Variants in ADAM10 observed in about 807,000 individuals in gnomAD.
ADAM10 encodes the protein disintegrin and metalloproteinase domain-containing protein 10.
Under a neutral mutation model 90.1 loss-of-function variants are expected in ADAM10, and 17 were observed. That is an observed-to-expected ratio of 0.19 (90% CI 0.13 to 0.28). The LOEUF is 0.28. ADAM10 is among the 10% of genes least tolerant of loss of function. The pLI is 1.00. For synonymous variants in ADAM10, 310 were observed against 298.6 expected (o/e 1.04, Z -0.40); for missense variants, 610 against 914.3 (o/e 0.67, Z 4.29).
intron 8 of ADAM10, among the ~76,000 whole-genome samples, chr15:58,638,523 G>A (rs1896328408): frequency 6.6e-6 from 1 of 150,868 alleles, no homozygotes; most frequent in African/African-American, 2.4e-5. Flanking sequence ...GCTGAGGCAG[G>A]AGAATGGCGT....
intron 2 of ADAM10, among the ~76,000 whole-genome samples, chr15:58,704,753 A>G (rs1898231538): frequency 6.6e-6 from 1 of 152,206 alleles, no homozygotes; most frequent in African/African-American, 2.4e-5. Context: ...GCACTTTTAC[A>G]TATATTACTG....
intron 2 of ADAM10, among the ~76,000 whole-genome samples, chr15:58,699,259 G>A (rs1898063887): frequency 6.6e-6 from 1 of 152,182 alleles, no homozygotes; most frequent in Admixed American, 6.5e-5. Flanking sequence ...CAGGTAATTT[G>A]ACACAACTAG....
chr15:58,706,449 C>T (rs946275027), intron 2 of ADAM10, among the ~76,000 whole-genome samples: 2 of 152,152 alleles, frequency 1.3e-5, no homozygotes, highest in Non-Finnish European at 2.9e-5. Context: ...AATTAAGATG[C>T]TTGAGAGAGT....
intron 2 of ADAM10, among the ~76,000 whole-genome samples, chr15:58,694,523 A>T (rs2140779501): frequency 6.6e-6 from 1 of 152,300 alleles, no homozygotes; most frequent in Admixed American, 6.5e-5. Flanking sequence ...TGGGAGGCTG[A>T]GGGAAACCCC....
At chr15:58,607,536 C>G (rs556489794) in intron 14 of ADAM10, among the ~76,000 whole-genome samples, 20 of 152,302 alleles carry the variant, frequency 1.3e-4, no homozygotes, top group African/African-American at 4.8e-4. Flanking sequence ...AACTAGTGTT[C>G]TGTTAAGCAT....
chr15:58,626,325 A>G (rs999663243), intron 10 of ADAM10, among the ~76,000 whole-genome samples: 16 of 152,176 alleles, frequency 1.1e-4, no homozygotes, highest in African/African-American at 3.9e-4. Context: ...AATTATCTCA[A>G]TAAAATTTCA....
chr15:58,720,423 C>CA (rs1340599027), intron 1 of ADAM10, among the ~76,000 whole-genome samples: 3 of 144,476 alleles, frequency 2.1e-5, no homozygotes, highest in Admixed American at 1.4e-4. Context: ...TTTTTTGAGA[C>CA]AGAGTCTCGC....
chr15:58,606,415 T>C (rs1319874744), intron 14 of ADAM10, among the ~76,000 whole-genome samples: 1 of 152,202 alleles, frequency 6.6e-6, no homozygotes, highest in Non-Finnish European at 1.5e-5. Context: ...ACATTCCAGT[T>C]TCAAAGTTAA....
chr15:58,743,199 C>CG (rs1290904833), intron 1 of ADAM10, among the ~76,000 whole-genome samples: 92 of 152,008 alleles, frequency 6.1e-4, no homozygotes, highest in African/African-American at 2.0e-3. Flanking sequence ...GCTTCGGTGG[C>CG]GGGGGGCGGG....
At chr15:58,730,927 G>A (rs1180496718) in intron 1 of ADAM10, among the ~76,000 whole-genome samples, 1 of 152,200 alleles carries the variant, frequency 6.6e-6, no homozygotes, top group Non-Finnish European at 1.5e-5. Flanking sequence ...CAGCTTCCCT[G>A]GTTCCCAGAC....
At position 58,655,677 on chromosome 15, in the gene ADAM10, CATAT is replaced by C. The variant is rs60720463; in HGVS notation, c.585+9416_585+9419del. Among the ~76,000 whole-genome samples, 16 of 72,464 alleles carry C rather than the reference CATAT, an allele frequency of 2.2e-4. 1 individual carries two copies. Among genetic ancestry groups the C allele is most frequent in the Non-Finnish European group, 3.4e-4 (15 of 43,590 alleles). The allele number at this position is 72,464 out of a possible 152,430, so 47.5% of individuals were successfully genotyped here. A position where few individuals can be genotyped will look rare whatever the true frequency, so the allele number is the denominator to read the frequency against. On this transcript the variant is annotated intron_variant, in intron 5 of 15. Coordinates refer to ENST00000260408, the MANE Select transcript of ADAM10 (RefSeq NM_001110.4). ...GCATACATACATACATACATACATA[CATAT>C]ATATATTATATATAGTATATATATA... is the stretch of plus-strand genomic sequence containing the variant.
At chr15:58,661,906 C>T (rs954970121) in intron 5 of ADAM10, among the ~76,000 whole-genome samples, 4 of 152,054 alleles carry the variant, frequency 2.6e-5, no homozygotes, top group African/African-American at 9.7e-5. Context: ...TATTTTTCAC[C>T]CTAGAAGTTC....
At chr15:58,662,389 A>T (rs1050839467) in intron 5 of ADAM10, among the ~76,000 whole-genome samples, 11 of 152,166 alleles carry the variant, frequency 7.2e-5, no homozygotes, top group African/African-American at 2.4e-4. Flanking sequence ...CTGGGGTGCC[A>T]TGGCACAATC....
At chr15:58,604,156 G>A (rs575289337) in intron 14 of ADAM10, among the ~76,000 whole-genome samples, 1 of 152,200 alleles carries the variant, frequency 6.6e-6, no homozygotes, top group African/African-American at 2.4e-5. Flanking sequence ...GAGGTCAGGT[G>A]TTCAAGACCA....
chr15:58,715,676 G>C (rs1292800667), intron 2 of ADAM10, among the ~76,000 whole-genome samples: 5 of 152,146 alleles, frequency 3.3e-5, no homozygotes, highest in African/African-American at 1.2e-4. Flanking sequence ...CTAGCAGTCA[G>C]TAAACATTTT....
At chr15:58,628,991 T>C (rs1001505227) in intron 9 of ADAM10, among the ~76,000 whole-genome samples, 2 of 152,242 alleles carry the variant, frequency 1.3e-5, no homozygotes, top group Non-Finnish European at 1.5e-5. Flanking sequence ...CTCTATACTA[T>C]TCACCAATAT....
chr15:58,634,524 CA>C (rs1389230078), intron 8 of ADAM10, among the ~76,000 whole-genome samples: 3 of 152,092 alleles, frequency 2.0e-5, no homozygotes, highest in Non-Finnish European at 4.4e-5. Context: ...CAGCAAATGA[CA>C]GTGCTTTCAC....
intron 11 of ADAM10, among the ~76,000 whole-genome samples, chr15:58,613,572 A>G (rs368551835): frequency 5.3e-5 from 8 of 152,336 alleles, no homozygotes; most frequent in African/African-American, 1.4e-4. Context: ...AACAATTCAT[A>G]TGAATGAGAA....
intron 15 of ADAM10, among the ~76,000 whole-genome samples, chr15:58,598,623 G>A (rs1895023364): frequency 6.6e-6 from 1 of 152,214 alleles, no homozygotes; most frequent in Admixed American, 6.5e-5. Context: ...CGGCAGGAGA[G>A]GGAACTGCTG....
Sources: allele counts gnomAD v4.1 joint callset (sites outside exome capture counted in the v4.1 genomes callset), GRCh38; gene constraint gnomAD v4.1.1; transcripts MANE v1.5; gene names NCBI Gene and HGNC (gene_info 2026-07-23, HGNC 2026-07-21).